Variants in GAB2 observed in about 807,000 individuals in gnomAD.
GAB2 encodes GRB2-associated-binding protein 2.
Under a neutral mutation model 65.5 loss-of-function variants are expected in GAB2, and 26 were observed. The observed-to-expected ratio is 0.40, with a 90% CI of 0.29 to 0.55. The LOEUF (loss-of-function observed/expected upper bound fraction) is 0.55, where lower values mean the gene tolerates loss of function less well. Among genes scored for constraint, GAB2 ranks in the 20% least tolerant of loss-of-function variants. The pLI, the probability that GAB2 is intolerant of heterozygous loss-of-function variation, is 0.53. For synonymous variants in GAB2, 321 were observed against 329.6 expected (o/e 0.97, Z 0.28); for missense variants, 884 against 875.8 (o/e 1.01, Z -0.12).
intron 1 of GAB2, among the ~76,000 whole-genome samples, chr11:78,333,566 C>A (rs1855950505): frequency 6.6e-6 from 1 of 152,206 alleles, no homozygotes; most frequent in Admixed American, 6.5e-5. Context: ...CCACCCCCTG[C>A]CCAGTGGCAT....
chr11:78,278,411 C>T lies in GAB2; in HGVS notation c.376+2190G>A, dbSNP rs544044055. ...TTTTGTTTGTTTTTTGAGACAGGGT[C>T]TCCCTCTGTCACCCAGGCTGGAGTG... is the stretch of plus-strand genomic sequence containing the variant. On this transcript the variant is annotated intron_variant, in intron 2 of 9. Coordinates refer to ENST00000361507, the MANE Select transcript of GAB2 (RefSeq NM_080491.3). Among the ~76,000 whole-genome samples the T allele has an allele frequency of 2.0e-5, 3 of 150,900 alleles. No individual in the cohort carries two copies. In the South Asian group the frequency reaches 6.3e-4, roughly 32 times the overall value.
In GAB2 at chr11:78,250,356, A is replaced by G. The variant is rs762065640; in HGVS notation, c.421T>C (p.Ser141Pro). ...VSSAGHGPRSSPAELSSSSQH... is the reference protein window; with the variant it reads ...VSSAGHGPRSPPAELSSSSQH... Reference sequence around the variant, plus strand: ...CTAGAGCTGCTGAGCTCAGCTGGAGAAGAGCGGGGGCCATGACCGGCTGAG... The same window carrying G: ...CTAGAGCTGCTGAGCTCAGCTGGAGGAGAGCGGGGGCCATGACCGGCTGAG... The change falls in exon 3 of 10, where the codon TCT becomes CCT. Residue 141 changes from serine (S) to proline (P), a missense_variant. Coordinates refer to ENST00000361507, the MANE Select transcript of GAB2 (RefSeq NM_080491.3). 23 of 1,613,226 alleles carry G rather than the reference A, an allele frequency of 1.4e-5. No individual in the cohort carries two copies. Among genetic ancestry groups the G allele is most frequent in the Non-Finnish European group, 1.6e-5 (19 of 1,179,510 alleles).
chr11:78,299,709 A>C (rs1050066235), intron 1 of GAB2, among the ~76,000 whole-genome samples: 1 of 152,238 alleles, frequency 6.6e-6, no homozygotes, highest in African/African-American at 2.4e-5. Flanking sequence ...CAAATTCCAA[A>C]GATTAATTCA....
intron 1 of GAB2, among the ~76,000 whole-genome samples, chr11:78,312,326 TAC>T (rs779462575): frequency 6.6e-6 from 1 of 151,162 alleles, no homozygotes; most frequent in Non-Finnish European, 1.5e-5. Flanking sequence ...AAAAACAAAA[TAC>T]AGTTACTTTG....
intron 1 of GAB2, among the ~76,000 whole-genome samples, chr11:78,398,833 C>T (rs748396706): frequency 1.3e-5 from 2 of 152,124 alleles, no homozygotes; most frequent in Non-Finnish European, 2.9e-5. Flanking sequence ...ACAAGATAAA[C>T]TTGGAACATC....
chr11:78,282,365 G>T (rs1423671810), intron 1 of GAB2, among the ~76,000 whole-genome samples: 1 of 151,000 alleles, frequency 6.6e-6, no homozygotes, highest in Non-Finnish European at 1.5e-5. Flanking sequence ...GGAGTGCAGT[G>T]GCATGATCTT....
chr11:78,319,811 A>G (rs1366606479), intron 1 of GAB2, among the ~76,000 whole-genome samples: 1 of 152,244 alleles, frequency 6.6e-6, no homozygotes, highest in Non-Finnish European at 1.5e-5. Flanking sequence ...AGCAGTAAAC[A>G]AAACAGACAT....
Position 78,291,737 on chromosome 11 carries a change from A to ATT in GAB2, c.76-10838_76-10837dup, listed in dbSNP as rs112307198. The stretch of plus-strand genomic sequence containing the variant: ...CAGGATGCGCCATCATACCCAGTTA[A>ATT]TTTTTTTTTTTAGAGATGGAGTCTC... On this transcript the variant is annotated intron_variant, in intron 1 of 9. Coordinates refer to ENST00000361507, the MANE Select transcript of GAB2 (RefSeq NM_080491.3). 9.7e-3 allele frequency among the ~76,000 whole-genome samples: 1,400 copies of ATT among 144,680 alleles called. 26 individuals carry two copies. Among genetic ancestry groups the ATT allele is most frequent in the African/African-American group, 0.033 (1,315 of 39,440 alleles). 94.9% of individuals were successfully genotyped at this position (144,680 alleles called of 152,430 possible).
chr11:78,299,276 T>C (rs1866925446), intron 1 of GAB2, among the ~76,000 whole-genome samples: 1 of 152,216 alleles, frequency 6.6e-6, no homozygotes, highest in African/African-American at 2.4e-5. Flanking sequence ...AACACTTTCC[T>C]GCTCTGGGCC....
chr11:78,292,339 G>A (rs2134608271), intron 1 of GAB2, among the ~76,000 whole-genome samples: 1 of 152,302 alleles, frequency 6.6e-6, no homozygotes, highest in South Asian at 2.1e-4. Context: ...TTAGCCACAA[G>A]GCACGTGAGA....
At chr11:78,390,287 G>A (rs1250454352) in intron 1 of GAB2, among the ~76,000 whole-genome samples, 13 of 152,164 alleles carry the variant, frequency 8.5e-5, no homozygotes, top group African/African-American at 3.1e-4. Context: ...TTTCTCACTA[G>A]GTCAACCCAA....
chr11:78,239,422 T>C (rs912127464), intron 3 of GAB2, among the ~76,000 whole-genome samples: 8 of 152,122 alleles, frequency 5.3e-5, no homozygotes, highest in African/African-American at 1.9e-4. Context: ...GGTTTTACCA[T>C]GTTGGTCAGG....
intron 1 of GAB2, among the ~76,000 whole-genome samples, chr11:78,300,516 T>TA (rs138790128): frequency 6.3e-5 from 9 of 142,792 alleles, no homozygotes; most frequent in African/African-American, 2.3e-4. Context: ...TTTAATTTTA[T>TA]AAAAAAACAA....
chr11:78,367,718 G>A (rs113916941), intron 1 of GAB2, among the ~76,000 whole-genome samples: 4 of 152,130 alleles, frequency 2.6e-5, no homozygotes, highest in African/African-American at 9.6e-5. Context: ...TGGGCTGCAG[G>A]CAGAAGATCC....
At chr11:78,278,268 C>T (rs1233163938) in intron 2 of GAB2, among the ~76,000 whole-genome samples, 3 of 151,924 alleles carry the variant, frequency 2.0e-5, no homozygotes, top group Non-Finnish European at 2.9e-5. Flanking sequence ...TGGGGTTTCG[C>T]CATGTTGGCC....
At chr11:78,290,988 C>A (rs1192121561) in intron 1 of GAB2, among the ~76,000 whole-genome samples, 1 of 152,122 alleles carries the variant, frequency 6.6e-6, no homozygotes, top group Non-Finnish European at 1.5e-5. Flanking sequence ...GTCATAACTA[C>A]TCAGTTCTAT....
intron 2 of GAB2, among the ~76,000 whole-genome samples, chr11:78,273,260 C>A (rs2511186): frequency 5.9e-5 from 9 of 152,094 alleles, no homozygotes; most frequent in Admixed American, 2.6e-4. Flanking sequence ...CACTGTGTGC[C>A]TGGAAAAGGT....
At chr11:78,381,367 C>T (rs1378452410) in intron 1 of GAB2, among the ~76,000 whole-genome samples, 3 of 152,128 alleles carry the variant, frequency 2.0e-5, no homozygotes, top group Admixed American at 1.3e-4. Context: ...TCCAACTAAC[C>T]TGTGGTCAAG....
At chr11:78,348,494 A>G (rs1856225782) in intron 1 of GAB2, among the ~76,000 whole-genome samples, 1 of 152,250 alleles carries the variant, frequency 6.6e-6, no homozygotes, top group South Asian at 2.1e-4. Context: ...GGTGCTCAAC[A>G]TCACTAGACA....
Sources: gnomAD v4.1 joint callset for allele counts (sites outside exome capture counted in the v4.1 genomes callset) on GRCh38, gnomAD v4.1.1 for gene constraint, MANE v1.5 for transcripts, NCBI Gene and HGNC (gene_info 2026-07-23, HGNC 2026-07-21) for gene names.